Variants in AIG1 observed in about 807,000 individuals in gnomAD.
AIG1 encodes androgen-induced gene 1 protein.
AIG1 carries 23 observed loss-of-function variants against 31.4 expected under a neutral mutation model. The observed-to-expected ratio is 0.73, with a 90% CI of 0.53 to 1.04. The LOEUF (loss-of-function observed/expected upper bound fraction) is 1.04. Ranked by LOEUF, AIG1 falls within the 50% of genes least tolerant of loss-of-function variation. The pLI is 0.00. For missense variants in AIG1, 274 were observed against 295.0 expected (o/e 0.93, Z 0.52); for synonymous variants, 100 against 110.5 (o/e 0.90, Z 0.60).
At position 143,165,727 on chromosome 6, in the gene AIG1, G is replaced by C. The variant is rs143210802; in HGVS notation, c.399+544G>C. ...CTCGTAGGGTTCTTCCCAAGTTAGG[G>C]TGTTCGCCTGTGGCTTTGAGGCCTT... On this transcript the variant is annotated intron_variant, in intron 3 of 5. Coordinates refer to ENST00000357847, the MANE Select transcript of AIG1 (RefSeq NM_016108.4). Among the ~76,000 whole-genome samples, 95 of 152,330 alleles carry C rather than the reference G, an allele frequency of 6.2e-4. 1 individual carries two copies. The highest frequency in any genetic ancestry group is 5.4e-3 in the Admixed American group (83 of 15,300).
chr6:143,171,643 A>G lies in AIG1; in HGVS notation c.399+6460A>G, dbSNP rs544423493. On this transcript the variant is annotated intron_variant, in intron 3 of 5. Transcript: ENST00000357847. ...GCAAATTTTGCTGCTGTAAACATGCATGTGCAAGTATCTTTTTCATATAAC... is the reference window on the plus strand; with the variant it reads ...GCAAATTTTGCTGCTGTAAACATGCGTGTGCAAGTATCTTTTTCATATAAC... Among the ~76,000 whole-genome samples the G allele has an allele frequency of 1.0e-3, 157 of 149,766 alleles. 1 individual carries two copies. The highest frequency in any genetic ancestry group is 2.1e-3 in the Non-Finnish European group (140 of 67,634).
intron 1 of AIG1, among the ~76,000 whole-genome samples, chr6:143,067,117 G>A (rs1361082103): frequency 1.3e-5 from 2 of 152,100 alleles, no homozygotes; most frequent in African/African-American, 4.8e-5. Context: ...AATGAGCTAT[G>A]ATAGTGCCAC....
rs1040794691 is a variant in AIG1, at chr6:143,256,079, A to G, written c.400-28031A>G. On this transcript the variant is annotated intron_variant, in intron 3 of 5. Coordinates refer to ENST00000357847, the MANE Select transcript of AIG1 (RefSeq NM_016108.4). This position sits in a 1 kb window ranked among gnomAD's most constrained non-coding sequence, Gnocchi z 4.6. ...TTAGGTGCTTGAGCAAATATATAAA[A>G]CTTTATAAATCAAATTTCTGAGCTA... Among the ~76,000 whole-genome samples, 2 of 152,180 alleles carry G rather than the reference A, an allele frequency of 1.3e-5. No homozygotes were observed. The highest frequency in any genetic ancestry group is 2.9e-5 in the Non-Finnish European group (2 of 68,028).
At chr6:143,212,109 C>A (rs1385945285) in intron 3 of AIG1, among the ~76,000 whole-genome samples, 6 of 152,092 alleles carry the variant, frequency 3.9e-5, no homozygotes, top group Admixed American at 1.3e-4. Flanking sequence ...TTACCAGTAA[C>A]AACCCCTCTT....
chr6:143,166,123 T>C (rs1786918163), intron 3 of AIG1, among the ~76,000 whole-genome samples: 2 of 152,164 alleles, frequency 1.3e-5, no homozygotes, highest in Admixed American at 6.5e-5. Context: ...GTGGTGTGTC[T>C]AACAAACAAA....
At chr6:143,241,456 G>A (rs1794234582) in intron 3 of AIG1, among the ~76,000 whole-genome samples, 1 of 152,190 alleles carries the variant, frequency 6.6e-6, no homozygotes. Context: ...CTGGGATGAA[G>A]CATTAAGAGA....
chr6:143,086,283 T>C (rs1778773061), intron 1 of AIG1, among the ~76,000 whole-genome samples: 1 of 152,176 alleles, frequency 6.6e-6, no homozygotes, highest in Non-Finnish European at 1.5e-5. Flanking sequence ...CAATTATCAA[T>C]TATAGGTTTT....
intron 3 of AIG1, chr6:143,189,810 A>G: frequency 1.0e-5 from 10 of 980,408 alleles, no homozygotes; most frequent in Non-Finnish European, 1.2e-5. Flanking sequence ...CTTCGTAAAT[A>G]AAAAAGAGAT....
chr6:143,328,250 T>C lies in AIG1; in HGVS notation c.516-5032T>C, dbSNP rs73777705. Among the ~76,000 whole-genome samples, 864 of 152,304 alleles carry C rather than the reference T, an allele frequency of 5.7e-3. 4 individuals carry two copies. Among genetic ancestry groups the C allele is most frequent in the African/African-American group, 0.019 (806 of 41,580 alleles). ...TGAAAGTGAGTACAATGTACAGATA[T>C]GGTGTCAGTGAATCTGGACCACTTA... On this transcript the variant is annotated intron_variant, in intron 4 of 5. Coordinates refer to ENST00000357847, the MANE Select transcript of AIG1 (RefSeq NM_016108.4). This position sits in a 1 kb window ranked among gnomAD's most constrained non-coding sequence, Gnocchi z 4.0.
At chr6:143,207,768 G>GA (rs1488054864) in intron 3 of AIG1, among the ~76,000 whole-genome samples, 1 of 151,958 alleles carries the variant, frequency 6.6e-6, no homozygotes, top group Non-Finnish European at 1.5e-5. Flanking sequence ...TAGATTTCAG[G>GA]AAAAATTAGA....
In AIG1 at chr6:143,331,624, A is replaced by G. The variant is rs1467006537; in HGVS notation, c.516-1658A>G. ...CACCTACTGATGTGTTTCTATATAC[A>G]TATATGTACATCTGTGTGTGTGTAT... is the stretch of plus-strand genomic sequence containing the variant. On this transcript the variant is annotated intron_variant, in intron 4 of 5. Transcript: ENST00000357847. This position sits in a 1 kb window ranked among gnomAD's most constrained non-coding sequence, Gnocchi z 4.1. 6.6e-6 allele frequency among the ~76,000 whole-genome samples: 1 copy of G among 151,998 alleles called. No homozygotes were observed. Among genetic ancestry groups the G allele is most frequent in the Non-Finnish European group, 1.5e-5 (1 of 67,982 alleles).
chr6:143,333,571 C>A lies in AIG1; in HGVS notation c.679+126C>A. On this transcript the variant is annotated intron_variant, in intron 5 of 5. Coordinates refer to ENST00000357847, the MANE Select transcript of AIG1 (RefSeq NM_016108.4). The surrounding 1 kb of genome is among the most constrained non-coding windows in gnomAD (Gnocchi z 4.6). ...TTCACACAGGATCTCCTATAAAGAG[C>A]TCCATTTTTAAAACTACAATATGAA... 1 of 915,888 alleles carries A rather than the reference C, an allele frequency of 1.1e-6. No individual in the cohort carries two copies. The highest frequency in any genetic ancestry group is 1.5e-6 in the Non-Finnish European group (1 of 655,018). 56.7% of individuals were successfully genotyped at this position (915,888 alleles called of 1,614,324 possible). A position where few individuals can be genotyped will look rare whatever the true frequency, so the allele number is the denominator to read the frequency against.
intron 3 of AIG1, among the ~76,000 whole-genome samples, chr6:143,235,596 C>G (rs758716060): frequency 1.3e-5 from 2 of 148,912 alleles, no homozygotes; most frequent in Non-Finnish European, 3.0e-5. Flanking sequence ...CCCCATCTCA[C>G]TCTCTTCTCC....
chr6:143,192,519 C>T (rs937932375), intron 3 of AIG1, among the ~76,000 whole-genome samples: 23 of 151,806 alleles, frequency 1.5e-4, no homozygotes, highest in Admixed American at 3.3e-4. Flanking sequence ...GCAGGGGAAT[C>T]GCTTAAACCC....
Position 143,288,223 on chromosome 6 carries a change from A to C in AIG1, c.515+3998A>C, listed in dbSNP as rs1797823754. On this transcript the variant is annotated intron_variant, in intron 4 of 5. Coordinates refer to ENST00000357847, the MANE Select transcript of AIG1 (RefSeq NM_016108.4). This position sits in a 1 kb window ranked among gnomAD's most constrained non-coding sequence, Gnocchi z 4.4. ...TGCCTTTCAGTCTGCAAGATACAGA[A>C]AGAGGAAACCAACTCAGACCCTAGG... Among the ~76,000 whole-genome samples, 1 of 152,200 alleles carries C rather than the reference A, an allele frequency of 6.6e-6. No individual in the cohort carries two copies. The highest frequency in any genetic ancestry group is 2.4e-5 in the African/African-American group (1 of 41,434).
intron 1 of AIG1, among the ~76,000 whole-genome samples, chr6:143,118,248 C>T (rs1258242722): frequency 6.6e-6 from 1 of 152,082 alleles, no homozygotes; most frequent in Non-Finnish European, 1.5e-5. Flanking sequence ...ATCATGAGGT[C>T]AGGAGATCGA....
At chr6:143,097,144 A>G (rs547959645) in intron 1 of AIG1, among the ~76,000 whole-genome samples, 39 of 152,266 alleles carry the variant, frequency 2.6e-4, no homozygotes, top group African/African-American at 9.1e-4. Context: ...ATTGTAAAGG[A>G]AAAGTGAAGT....
chr6:143,111,288 C>T (rs190430242), intron 1 of AIG1, among the ~76,000 whole-genome samples: 107 of 152,338 alleles, frequency 7.0e-4, no homozygotes, highest in African/African-American at 2.4e-3. Context: ...TGTTTTCATC[C>T]TTAAGACCCA....
At chr6:143,289,389 G>T (rs139114087) in intron 4 of AIG1, among the ~76,000 whole-genome samples, 1 of 152,198 alleles carries the variant, frequency 6.6e-6, no homozygotes, top group East Asian at 1.9e-4. Flanking sequence ...ATCCTGGTCA[G>T]TTGTGCCTAA....
Sources: gnomAD v4.1 joint callset for allele counts (sites outside exome capture counted in the v4.1 genomes callset) on GRCh38, gnomAD v4.1.1 for gene constraint, Gnocchi (gnomAD v3.1) non-coding constraint, MANE v1.5 for transcripts, NCBI Gene and HGNC (gene_info 2026-07-23, HGNC 2026-07-21) for gene names.